Variants in NKX3-2 observed in about 807,000 individuals in gnomAD.
The protein encoded by NKX3-2 is NK3 homeobox 2.
In NKX3-2, 13 loss-of-function variants were observed where a neutral mutation model predicts 19.4. The observed-to-expected ratio is 0.67, with a 90% confidence interval of 0.44 to 1.07. The LOEUF (loss-of-function observed/expected upper bound fraction) is 1.07, where lower values mean the gene tolerates loss of function less well. Among genes scored for constraint, NKX3-2 ranks in the 50% least tolerant of loss-of-function variants. The pLI, the probability that NKX3-2 is intolerant of heterozygous loss-of-function variation, is 0.00. For synonymous variants in NKX3-2, 269 were observed against 230.5 expected, an observed-to-expected ratio of 1.17 and a Z score of -1.51; for missense variants, 562 against 488.2, an observed-to-expected ratio of 1.15 and a Z score of -1.42.
upstream of NKX3-2, chr4:13,547,053 C>A (rs1317907653): frequency 2.2e-6 from 1 of 456,296 alleles, no homozygotes; most frequent in Non-Finnish European, 4.4e-6. Context: ...GTAGGCAGAG[C>A]CGGGAGTTGG....
Position 13,542,430 on chromosome 4 carries a change from GCCCGCTGCCGCC to G in NKX3-2, c.553_564del (p.Gly185_Gly188del). On this transcript the variant is annotated inframe_deletion, in exon 2 of 2. Transcript: ENST00000382438. The surrounding 1 kb of genome is among the most constrained non-coding windows in gnomAD (Gnocchi z 6.4). ...TCCTCCTCCTCCGCGACGCCTGCCG[GCCCGCTGCCGCC>G]CCCGCCGCCGGCCCCGCTGCACAGC... The G allele has an allele frequency of 6.5e-7, 1 of 1,548,824 alleles. No individual in the cohort carries two copies. The highest frequency in any genetic ancestry group is 1.4e-5 in the African/African-American group (1 of 73,134).
chr4:13,546,440 C>G (rs536110693), upstream of NKX3-2: 23 of 171,784 alleles, frequency 1.3e-4, no homozygotes, highest in African/African-American at 5.2e-4. Flanking sequence ...CAGAGTGGAA[C>G]AGCAGAATGC....
chr4:13,545,309 C>A (rs1718107796), upstream of NKX3-2, among the ~76,000 whole-genome samples: 1 of 152,202 alleles, frequency 6.6e-6, no homozygotes, highest in Non-Finnish European at 1.5e-5. Context: ...GCAGATGTAT[C>A]CACTTATTCC....
Position 13,543,825 on chromosome 4 carries a change from G to A in NKX3-2, c.466+124C>T. On this transcript the variant is annotated intron_variant, in intron 1 of 1. Transcript: ENST00000382438. The surrounding 1 kb of genome is among the most constrained non-coding windows in gnomAD (Gnocchi z 7.1). ...AGCTCGCGCCAGAGCGCAGAACTTCGGGATTTGGCCAGCCTCCGAGCCCCA... is the reference window on the plus strand; with the variant it reads ...AGCTCGCGCCAGAGCGCAGAACTTCAGGATTTGGCCAGCCTCCGAGCCCCA... The A allele has an allele frequency of 1.1e-6, 1 of 898,264 alleles. No homozygotes were observed. Among genetic ancestry groups the A allele is most frequent in the South Asian group, 1.9e-5 (1 of 51,872 alleles). 55.6% of individuals were successfully genotyped at this position (898,264 alleles called of 1,614,324 possible). A position where few individuals can be genotyped will look rare whatever the true frequency, so the allele number is the denominator to read the frequency against.
At chr4:13,547,020 G>A (rs745842412), upstream of NKX3-2, 3 of 456,196 alleles carry the variant, frequency 6.6e-6, no homozygotes, top group Non-Finnish European at 1.3e-5. Context: ...GCGCTTAGTC[G>A]ATCATTAGGT....
rs371388996 is a variant in NKX3-2 at position 13,544,280 on chromosome 4, C to G, written c.135G>C (p.Ala45=). The change falls in exon 1 of 2, where the codon GCG becomes GCC. Residue 45 remains alanine (A), a synonymous_variant. Transcript: ENST00000382438. The part of the protein sequence containing the change: ...APGGTAASVA[A]APAVCCWRLF... Reference sequence around the variant, plus strand: ...GCCGCCAACAGCAGACAGCGGGAGCCGCGGCCACCGATGCCGCTGTGCCCC... The same window carrying G: ...GCCGCCAACAGCAGACAGCGGGAGCGGCGGCCACCGATGCCGCTGTGCCCC... The G allele has an allele frequency of 6.5e-7, 1 of 1,547,436 alleles. No homozygotes were observed. The highest frequency in any genetic ancestry group is 2.0e-5 in the Admixed American group (1 of 51,064).
chr4:13,542,534 G>T lies in NKX3-2; in HGVS notation c.467-6C>A, dbSNP rs1303524952. On this transcript the variant is annotated splice_polypyrimidine_tract_variant and splice_region_variant and intron_variant, in intron 1 of 1. Transcript: ENST00000382438. This position sits in a 1 kb window ranked among gnomAD's most constrained non-coding sequence, Gnocchi z 6.4. The stretch of plus-strand genomic sequence containing the variant: ...GGTCCTTGGGCTGCGGTCGCCTGCG[G>T]ACCCCGGTGGGAACAGAAACAAGAG... The T allele has an allele frequency of 6.3e-7, 1 of 1,596,314 alleles. No homozygotes were observed. The highest frequency in any genetic ancestry group is 8.5e-7 in the Non-Finnish European group (1 of 1,179,642).
At position 13,543,650 on chromosome 4, in the gene NKX3-2, A is replaced by C. The variant is rs1025752848; in HGVS notation, c.466+299T>G. On this transcript the variant is annotated intron_variant, in intron 1 of 1. Transcript: ENST00000382438. This position sits in a 1 kb window ranked among gnomAD's most constrained non-coding sequence, Gnocchi z 7.1. ...ACACGGCAGAAAGCACTGGCGACGAACTCAAAAACTCCCGAACGCAAGGGG... is the reference window on the plus strand; with the variant it reads ...ACACGGCAGAAAGCACTGGCGACGACCTCAAAAACTCCCGAACGCAAGGGG... Among the ~76,000 whole-genome samples the C allele has an allele frequency of 2.6e-5, 4 of 152,136 alleles. No homozygotes were observed. The highest frequency in any genetic ancestry group is 5.9e-5 in the Non-Finnish European group (4 of 68,016).
At chr4:13,545,690 C>T (rs1197983674), upstream of NKX3-2, among the ~76,000 whole-genome samples, 2 of 150,776 alleles carry the variant, frequency 1.3e-5, no homozygotes, top group African/African-American at 4.9e-5. Flanking sequence ...CCTGGCAGAC[C>T]AATATTGAAT....
In NKX3-2 at chr4:13,543,918, C is replaced by G. The variant is rs755152083; in HGVS notation, c.466+31G>C. The G allele has an allele frequency of 1.3e-6, 2 of 1,522,350 alleles. No homozygotes were observed. Among genetic ancestry groups the G allele is most frequent in the Non-Finnish European group, 1.8e-6 (2 of 1,135,776 alleles). 94.3% of individuals were successfully genotyped at this position (1,522,350 alleles called of 1,614,324 possible). The stretch of plus-strand genomic sequence containing the variant: ...GCCCTCCGCGTCCATCCCCTCAGCC[C>G]GGCCCCCATCCCCGCGAAGCCGCAG... On this transcript the variant is annotated intron_variant, in intron 1 of 1. Transcript: ENST00000382438. This position sits in a 1 kb window ranked among gnomAD's most constrained non-coding sequence, Gnocchi z 7.1.
chr4:13,541,905 G>A lies in NKX3-2; in HGVS notation c.*88C>T. 4.0e-6 allele frequency: 6 copies of A among 1,516,086 alleles called. No homozygotes were observed. Among genetic ancestry groups the A allele is most frequent in the Non-Finnish European group, 5.3e-6 (6 of 1,127,158 alleles). 93.9% of individuals were successfully genotyped at this position (1,516,086 alleles called of 1,614,324 possible). A position where few individuals can be genotyped will look rare whatever the true frequency, so the allele number is the denominator to read the frequency against. On this transcript the variant is annotated 3_prime_UTR_variant, in exon 2 of 2. Transcript: ENST00000382438. Reference sequence around the variant, plus strand: ...CACCTCCAGGTGCCTCCTTGGCGGGGCGCCCCGTGCAGGCTACAGCCTACA... The same window carrying A: ...CACCTCCAGGTGCCTCCTTGGCGGGACGCCCCGTGCAGGCTACAGCCTACA...
upstream of NKX3-2, among the ~76,000 whole-genome samples, chr4:13,545,771 TCTTA>T (rs1211584496): frequency 6.6e-6 from 1 of 152,270 alleles, no homozygotes; most frequent in African/African-American, 2.4e-5. Flanking sequence ...TTTAAATATC[TCTTA>T]CTTGTGAGTT....
At chr4:13,546,064 GAACCA>G (rs1718126602), upstream of NKX3-2, 1 of 152,128 alleles carries the variant, frequency 6.6e-6, no homozygotes, top group Non-Finnish European at 1.5e-5. Context: ...ACACAAACTT[GAACCA>G]TTAAATACAT....
Position 13,544,109 on chromosome 4 carries a change from C to A in NKX3-2, c.306G>T (p.Glu102Asp), listed in dbSNP as rs771586473. The A allele has an allele frequency of 2.4e-5, 38 of 1,599,050 alleles. No homozygotes were observed. The African/African-American group carries it at 4.5e-4, about 19-fold the overall frequency. The part of the protein sequence containing the change: ...DSDSALSEEN[E>D]SRRRCADARG... ...GCGCGTCCGCGCAGCGCCGCCTGCT[C>A]TCGTTCTCCTCGCTGAGCGCGGAGT... is the stretch of plus-strand genomic sequence containing the variant. The change falls in exon 1 of 2, where the codon GAG (glutamate) becomes GAT (aspartate). Residue 102 changes from glutamate (E) to aspartate (D), a missense_variant. By Grantham distance (45) the Glu-to-Asp change is conservative. Coordinates refer to ENST00000382438, the MANE Select transcript of NKX3-2 (RefSeq NM_001189.4).
chr4:13,542,626 A>G lies in NKX3-2; in HGVS notation c.467-98T>C. 1 of 1,451,822 alleles carries G rather than the reference A, an allele frequency of 6.9e-7. No individual in the cohort carries two copies. Among genetic ancestry groups the G allele is most frequent in the Non-Finnish European group, 9.5e-7 (1 of 1,050,988 alleles). 89.9% of individuals were successfully genotyped at this position (1,451,822 alleles called of 1,614,324 possible). A position where few individuals can be genotyped will look rare whatever the true frequency, so the allele number is the denominator to read the frequency against. ...CAGGGGTCACGGGAGTGGGGCGGAA[A>G]TACACTTTGATCCCACTCAAGCGGA... On this transcript the variant is annotated intron_variant, in intron 1 of 1. Transcript: ENST00000382438. This position sits in a 1 kb window ranked among gnomAD's most constrained non-coding sequence, Gnocchi z 6.4.
chr4:13,547,531 C>T (rs1033838229), upstream of NKX3-2: 3 of 230,860 alleles, frequency 1.3e-5, no homozygotes, highest in Admixed American at 6.1e-5. Flanking sequence ...CCCATTTTTT[C>T]CTAGTCTTCT....
In NKX3-2 at chr4:13,542,169, C is replaced by G. The variant is rs1343939865; in HGVS notation, c.826G>C (p.Ala276Pro). The change falls in exon 2 of 2, where the codon GCC becomes CCC. Residue 276 changes from alanine (A) to proline (P), a missense_variant. Coordinates refer to ENST00000382438, the MANE Select transcript of NKX3-2 (RefSeq NM_001189.4). This position sits in a 1 kb window ranked among gnomAD's most constrained non-coding sequence, Gnocchi z 6.4. ...MAADLLASAPAAKKVAVKVLV... is the reference protein window; with the variant it reads ...MAADLLASAPPAKKVAVKVLV... ...ACCTTTACGGCCACCTTCTTGGCGG[C>G]GGGCGCCGAGGCCAGCAGGTCGGCT... 12 of 1,608,480 alleles carry G rather than the reference C, an allele frequency of 7.5e-6. No individual in the cohort carries two copies. Among genetic ancestry groups the G allele is most frequent in the Non-Finnish European group, 9.3e-6 (11 of 1,177,778 alleles).
Position 13,542,128 on chromosome 4 carries a change from G to T in NKX3-2, c.867C>A (p.Asp289Glu). The T allele has an allele frequency of 6.2e-7, 1 of 1,611,500 alleles. No individual in the cohort carries two copies. The highest frequency in any genetic ancestry group is 8.5e-7 in the Non-Finnish European group (1 of 1,178,478). ...KVAVKVLVRD[D>E]QRQYLPGEVL... ...CTTCGCCGGGCAGGTATTGTCTCTG[G>T]TCGTCGCGCACCAGCACCTTTACGG... The change falls in exon 2 of 2, where the codon GAC (aspartate) becomes GAA (glutamate). Residue 289 changes from aspartate (D) to glutamate (E), a missense_variant. By Grantham distance (45) the Asp-to-Glu change is conservative (BLOSUM62 2). Coordinates refer to ENST00000382438, the MANE Select transcript of NKX3-2 (RefSeq NM_001189.4). The surrounding 1 kb of genome is among the most constrained non-coding windows in gnomAD (Gnocchi z 6.4).
chr4:13,546,048 C>G (rs1261996038), upstream of NKX3-2: 1 of 152,182 alleles, frequency 6.6e-6, no homozygotes, highest in Non-Finnish European at 1.5e-5. Context: ...AGAGTTAACA[C>G]CAAATACACA....
Sources: allele counts gnomAD v4.1 joint callset (sites outside exome capture counted in the v4.1 genomes callset), GRCh38; gene constraint gnomAD v4.1.1; non-coding constraint Gnocchi (gnomAD v3.1); transcripts MANE v1.5; gene names NCBI Gene and HGNC (gene_info 2026-07-23, HGNC 2026-07-21).